The following COL18A1 variants were observed in gnomAD, a reference collection of about 807,000 sequenced individuals.
COL18A1 encodes collagen alpha-1(XVIII) chain.
COL18A1 carries 133 observed loss-of-function variants against 168.0 expected under a neutral mutation model. That is an observed-to-expected ratio of 0.79 (90% confidence interval 0.69 to 0.91). The LOEUF is 0.91. Ranked by LOEUF, COL18A1 falls within the 40% of genes least tolerant of loss-of-function variation. COL18A1 has a pLI of 0.00. For synonymous variants in COL18A1, 949 were observed against 809.0 expected (o/e 1.17, Z -2.94); for missense variants, 2,126 against 1,925.4 (o/e 1.10, Z -1.95).
Position 45,505,797 on chromosome 21 carries a change from CTCCCCGCCA to C in COL18A1, c.3088-40_3088-32del, listed in dbSNP as rs756676578. 5.4e-6 allele frequency: 8 copies of C among 1,489,432 alleles called. No individual in the cohort carries two copies. In the South Asian group the frequency reaches 5.8e-5, roughly 11 times the overall value. The allele number at this position is 1,489,432 out of a possible 1,614,324, so 92.3% of individuals were successfully genotyped here. Reference sequence around the variant, plus strand: ...CTTCCTTCCGCCCCTGCCCCCCGCCCTCCCCGCCAAGCCCCACACCTCTGCATTTGGTCC... The same window carrying C: ...CTTCCTTCCGCCCCTGCCCCCCGCCCAGCCCCACACCTCTGCATTTGGTCC... On this transcript the variant is annotated intron_variant, in intron 36 of 41. Coordinates refer to ENST00000651438, the MANE Select transcript of COL18A1 (RefSeq NM_001379500.1).
At chr21:45,450,493 C>T in intron 2 of COL18A1, among the ~76,000 whole-genome samples, 1 of 152,150 alleles carries the variant, frequency 6.6e-6, no homozygotes, top group East Asian at 1.9e-4. Flanking sequence ...CGGAAATGAG[C>T]CCCCCTCTTT....
intron 22 of COL18A1, among the ~76,000 whole-genome samples, chr21:45,492,016 T>C (rs1056939969): frequency 1.8e-4 from 28 of 152,208 alleles, no homozygotes; most frequent in African/African-American, 6.8e-4. Context: ...TGTGTGACAC[T>C]GGACAAGTTA....
chr21:45,495,310 G>C (rs2036492509), intron 28 of COL18A1, 48 bp from the exon 29 acceptor site: 21 of 1,496,108 alleles, frequency 1.4e-5, no homozygotes, highest in Non-Finnish European at 1.8e-5. Context: ...GAAGGTGTCT[G>C]GTAATCATCA....
intron 32 of COL18A1, among the ~76,000 whole-genome samples, chr21:45,499,727 G>A (rs1021252240): frequency 6.6e-6 from 1 of 152,230 alleles, no homozygotes; most frequent in Non-Finnish European, 1.5e-5. Context: ...TATATTGGAC[G>A]GTGAGGTTGG....
chr21:45,465,136 G>C (rs75678460), intron 2 of COL18A1, among the ~76,000 whole-genome samples: 4,437 of 152,226 alleles, frequency 0.029, 230 homozygotes, highest in African/African-American at 0.1. Context: ...TGAAGCACTC[G>C]CAGGTATTTC....
intron 18 of COL18A1, 70 bp from the exon 19 acceptor site, chr21:45,489,416 C>G: frequency 8.5e-7 from 1 of 1,182,274 alleles, no homozygotes; most frequent in Admixed American, 2.0e-5. Flanking sequence ...TTCCCTTCAC[C>G]CGGGGTGGAC....
chr21:45,444,754 G>A (rs73386815), intron 2 of COL18A1, among the ~76,000 whole-genome samples: 1,966 of 152,238 alleles, frequency 0.013, 51 homozygotes, highest in African/African-American at 0.045. Context: ...ACCAACATTA[G>A]CAGCAAAGAT....
At chr21:45,405,539 TCCCCGCCCGGCTCCCTCAC>T in intron 2 of COL18A1, 66 bp downstream of exon 2, 1 of 1,035,778 alleles carries the variant, frequency 9.7e-7, no homozygotes, top group Non-Finnish European at 1.2e-6. Context: ...CTGGCTGGGG[TCCCCGCCCGGCTCCCTCAC>T]CCCCGCCCCG....
At chr21:45,504,096 G>A (rs2037035133) in intron 33 of COL18A1, 42 bp downstream of exon 33, 1 of 1,602,634 alleles carries the variant, frequency 6.2e-7, no homozygotes, top group East Asian at 2.2e-5. Flanking sequence ...CCAAGGTCCT[G>A]TACATCCCGC....
rs751803246 is a variant in COL18A1 at position 45,468,583 on chromosome 21, G to A, written c.448G>A (p.Ala150Thr). The change falls in exon 3 of 42, where the codon GCC (alanine) becomes ACC (threonine). Residue 150 changes from alanine to threonine, a missense_variant. Physicochemically the swap from Ala to Thr is moderately conservative, Grantham distance 58 (BLOSUM62 0). Coordinates refer to ENST00000651438, the MANE Select transcript of COL18A1 (RefSeq NM_001379500.1). ...ACCAGGTGCAGGCCAGACCCACACA[G>A]CCGCCAGCTTCCGGCTCCCCGCCTT... ...TEPGAGQTHTAASFRLPAFVG... is the reference protein window; with the variant it reads ...TEPGAGQTHTTASFRLPAFVG... 6.2e-7 allele frequency: 1 copy of A among 1,613,686 alleles called. No homozygotes were observed. Among genetic ancestry groups the A allele is most frequent in the South Asian group, 1.1e-5 (1 of 91,086 alleles).
At chr21:45,488,361 G>A (rs2036187304) in intron 17 of COL18A1, 57 bp from the exon 18 acceptor site, 11 of 1,611,790 alleles carry the variant, frequency 6.8e-6, no homozygotes, top group South Asian at 3.3e-5. Context: ...TGCGGCAGAC[G>A]CATCTCACAG....
rs1055968909 is a variant in COL18A1, at chr21:45,423,267, G to A, written c.106+17794G>A. 6.6e-6 allele frequency among the ~76,000 whole-genome samples: 1 copy of A among 152,158 alleles called. No individual in the cohort carries two copies. Among genetic ancestry groups the A allele is most frequent in the African/African-American group, 2.4e-5 (1 of 41,438 alleles). On this transcript the variant is annotated intron_variant, in intron 2 of 41. Coordinates refer to ENST00000651438, the MANE Select transcript of COL18A1 (RefSeq NM_001379500.1). This position sits in a 1 kb window ranked among gnomAD's most constrained non-coding sequence, Gnocchi z 4.0. ...TTGAGGGTTAGCTGGTCCAGTTCCC[G>A]CGTGTTGGCCGGTCTGGTCCCTGAG...
chr21:45,472,790 C>G (rs2035490629), intron 3 of COL18A1, among the ~76,000 whole-genome samples: 1 of 144,334 alleles, frequency 6.9e-6, no homozygotes, highest in Non-Finnish European at 1.5e-5. Flanking sequence ...CCCAGGGGGC[C>G]CACAGGGTCC....
intron 2 of COL18A1, among the ~76,000 whole-genome samples, chr21:45,439,944 A>C (rs1222615208): frequency 6.6e-6 from 1 of 152,238 alleles, no homozygotes; most frequent in Non-Finnish European, 1.5e-5. Context: ...GAGCGAAAGC[A>C]AACTGGGAAA....
chr21:45,490,825 T>C lies in COL18A1; in HGVS notation c.2032-11T>C, dbSNP rs370222234. The C allele has an allele frequency of 1.4e-5, 22 of 1,549,834 alleles. No homozygotes were observed. In the East Asian group the frequency reaches 1.5e-4, roughly 10 times the overall value. The stretch of plus-strand genomic sequence containing the variant: ...TGTTGGTGATGAACCATTTCCTTCC[T>C]GTCTCTCCAGGGGCCAAAGGGAGAC... On this transcript the variant is annotated splice_polypyrimidine_tract_variant and intron_variant, in intron 20 of 41. Coordinates refer to ENST00000651438, the MANE Select transcript of COL18A1 (RefSeq NM_001379500.1).
Position 45,489,511 on chromosome 21 carries a change from C to T in COL18A1, c.1949C>T (p.Pro650Leu), listed in dbSNP as rs376627920. The change falls in exon 19 of 42, where the codon CCG (proline) becomes CTG (leucine). Residue 650 changes from proline (P) to leucine (L), a missense_variant. Transcript: ENST00000651438. ...GGGGATCCTGGCGTGCCTGGGCTGC[C>T]GGGGGCGAAGGTAAGCGCTGTGCCC... is the stretch of plus-strand genomic sequence containing the variant. Reference protein sequence around the residue: ...LKGDPGVPGLPGAKGEVGADG... With the variant: ...LKGDPGVPGLLGAKGEVGADG... 4.5e-5 allele frequency: 72 copies of T among 1,602,544 alleles called. 1 individual carries two copies. The highest frequency in any genetic ancestry group is 5.4e-5 in the African/African-American group (4 of 74,752).
rs773286586 is a variant in COL18A1 at position 45,489,474 on chromosome 21, T to C, written c.1924-12T>C. 1.3e-6 allele frequency: 2 copies of C among 1,597,010 alleles called. No individual in the cohort carries two copies. Among genetic ancestry groups the C allele is most frequent in the Admixed American group, 3.4e-5 (2 of 58,314 alleles). ...CCCAGCAGGTGCTCACGGAGCCCCT[T>C]TTTTCACTTAGGGGGATCCTGGCGT... is the stretch of plus-strand genomic sequence containing the variant. On this transcript the variant is annotated splice_polypyrimidine_tract_variant and intron_variant, in intron 18 of 41. Coordinates refer to ENST00000651438, the MANE Select transcript of COL18A1 (RefSeq NM_001379500.1).
chr21:45,506,833 C>T (rs906187107), intron 37 of COL18A1: 7 of 166,880 alleles, frequency 4.2e-5, no homozygotes, highest in Non-Finnish European at 7.8e-5. Context: ...CTCTCGCCAC[C>T]GGCCCCCTCC....
chr21:45,481,080 G>C (rs1240106183), intron 13 of COL18A1, among the ~76,000 whole-genome samples: 1 of 152,228 alleles, frequency 6.6e-6, no homozygotes, highest in African/African-American at 2.4e-5. Flanking sequence ...GCTGACCAGT[G>C]GGGGTGACCG....
Sources: gnomAD v4.1 joint callset for allele counts (sites outside exome capture counted in the v4.1 genomes callset) on GRCh38, gnomAD v4.1.1 for gene constraint, Gnocchi (gnomAD v3.1) non-coding constraint, MANE v1.5 for transcripts, NCBI Gene and HGNC (gene_info 2026-07-23, HGNC 2026-07-21) for gene names.